The following ENTREP2 variants were observed in gnomAD, a reference collection of about 807,000 sequenced individuals.
ENTREP2 encodes the protein protein ENTREP2.
the ENTREP2 span, among the ~76,000 whole-genome samples, chr15:29,652,444 T>C: frequency 1.3e-5 from 2 of 152,210 alleles, no homozygotes; most frequent in South Asian, 4.1e-4. Context: ...AGGTGCCAAA[T>C]GGCAAGTCTA....
At chr15:29,498,988 A>G in the ENTREP2 span, among the ~76,000 whole-genome samples, 15 of 152,208 alleles carry the variant, frequency 9.9e-5, no homozygotes, top group African/African-American at 3.4e-4. Context: ...TTTGGTTTCC[A>G]TTTGCAAGAA....
chr15:29,505,592 C>T, the ENTREP2 span, among the ~76,000 whole-genome samples: 1 of 152,172 alleles, frequency 6.6e-6, no homozygotes, highest in Non-Finnish European at 1.5e-5. The surrounding 1 kb of genome is among the most constrained non-coding windows in gnomAD (Gnocchi z 4.3). Context: ...CAGCAGCCTC[C>T]GCTGGTGATA....
chr15:29,649,608 C>G, the ENTREP2 span, among the ~76,000 whole-genome samples: 2 of 151,444 alleles, frequency 1.3e-5, no homozygotes, highest in Admixed American at 1.3e-4. Context: ...GTAATCCCAG[C>G]TACTTGGAGG....
chr15:29,485,133 C>G, the ENTREP2 span, among the ~76,000 whole-genome samples: 4 of 152,074 alleles, frequency 2.6e-5, no homozygotes, highest in African/African-American at 9.7e-5. Flanking sequence ...AAAATTCAAG[C>G]AAAAACTGTC....
the ENTREP2 span, among the ~76,000 whole-genome samples, chr15:29,162,762 A>G: frequency 2.0e-5 from 3 of 150,172 alleles, no homozygotes; most frequent in Non-Finnish European, 4.4e-5. Flanking sequence ...TAATCTTGGG[A>G]GTTCTACAGC....
At chr15:29,535,210 G>A in the ENTREP2 span, among the ~76,000 whole-genome samples, 6 of 151,722 alleles carry the variant, frequency 4.0e-5, no homozygotes, top group South Asian at 2.1e-4. Flanking sequence ...TGACTGTGCC[G>A]TTTGCACTCC....
chr15:29,254,796 G>C, the ENTREP2 span, among the ~76,000 whole-genome samples: 1 of 152,168 alleles, frequency 6.6e-6, no homozygotes, highest in African/African-American at 2.4e-5. Context: ...GGTGGAGGTT[G>C]CAGTGAGCCG....
the ENTREP2 span, among the ~76,000 whole-genome samples, chr15:29,337,490 A>T: frequency 6.6e-6 from 1 of 152,212 alleles, no homozygotes; most frequent in Non-Finnish European, 1.5e-5. Flanking sequence ...GGGAAGGCAC[A>T]ATGACTGGTT....
chr15:29,538,148 C>A, the ENTREP2 span, among the ~76,000 whole-genome samples: 1 of 152,094 alleles, frequency 6.6e-6, no homozygotes, highest in African/African-American at 2.4e-5. Flanking sequence ...ACAGCAGTGT[C>A]TGGGATAGGG....
chr15:29,161,786 A>G, the ENTREP2 span, among the ~76,000 whole-genome samples: 5,657 of 152,290 alleles, frequency 0.037, 326 homozygotes, highest in African/African-American at 0.13. Flanking sequence ...AAGTAAAGTA[A>G]TGCAGCACAC....
the ENTREP2 span, among the ~76,000 whole-genome samples, chr15:29,351,457 G>C: frequency 6.6e-6 from 1 of 152,050 alleles, no homozygotes; most frequent in African/African-American, 2.4e-5. Flanking sequence ...ATAACAGGAG[G>C]AGTGATATGC....
the ENTREP2 span, among the ~76,000 whole-genome samples, chr15:29,395,700 G>A: frequency 1.4e-5 from 2 of 145,608 alleles, no homozygotes; most frequent in African/African-American, 5.4e-5. Context: ...GCTAGTTTTC[G>A]TATTTTTTTT....
At chr15:29,122,977 CTT>C in the ENTREP2 span, 5 of 184,666 alleles carry the variant, frequency 2.7e-5, no homozygotes, top group Admixed American at 1.2e-4. Context: ...TTTGGAGATA[CTT>C]TGAGTCTTTA....
At chr15:29,428,779 C>T in the ENTREP2 span, among the ~76,000 whole-genome samples, 19 of 152,200 alleles carry the variant, frequency 1.2e-4, no homozygotes, top group South Asian at 2.9e-3. Flanking sequence ...TGTCAGGAAA[C>T]GGCATCCCAT....
chr15:29,173,707 T>C, the ENTREP2 span, among the ~76,000 whole-genome samples: 1 of 152,098 alleles, frequency 6.6e-6, no homozygotes. Flanking sequence ...TCATATTTGG[T>C]TTGATTTCAG....
chr15:29,440,316 C>A, the ENTREP2 span, among the ~76,000 whole-genome samples: 1 of 152,192 alleles, frequency 6.6e-6, no homozygotes, highest in East Asian at 1.9e-4. Flanking sequence ...AGTCCCCTCA[C>A]TTCCTTTTCC....
At chr15:29,624,566 G>A in the ENTREP2 span, among the ~76,000 whole-genome samples, 1 of 152,268 alleles carries the variant, frequency 6.6e-6, no homozygotes, top group Non-Finnish European at 1.5e-5. Flanking sequence ...CTGTCGTTCA[G>A]TGATGTTATT....
chr15:29,287,763 A>G, the ENTREP2 span, among the ~76,000 whole-genome samples: 1 of 152,242 alleles, frequency 6.6e-6, no homozygotes, highest in Non-Finnish European at 1.5e-5. Context: ...CAATTTACTA[A>G]AAAGCTCATG....
the ENTREP2 span, among the ~76,000 whole-genome samples, chr15:29,338,619 C>T: frequency 6.6e-5 from 10 of 151,720 alleles, no homozygotes; most frequent in Non-Finnish European, 1.0e-4. Context: ...AAGAGCTCCT[C>T]GGCCAGCCAT....
Sources: gnomAD v4.1 joint callset for allele counts (sites outside exome capture counted in the v4.1 genomes callset) on GRCh38, gnomAD v4.1.1 for gene constraint, Gnocchi (gnomAD v3.1) non-coding constraint, MANE v1.5 for transcripts, NCBI Gene and HGNC (gene_info 2026-07-23, HGNC 2026-07-21) for gene names.